Variants in CYB5R4 observed in about 807,000 individuals in gnomAD.
The protein encoded by CYB5R4 is cytochrome b5 reductase 4, also known as N-terminal cytochrome b5 and cytochrome b5 oxidoreductase domain-containing protein.
CYB5R4 carries 55 observed loss-of-function variants against 70.2 expected under a neutral mutation model. That is an observed-to-expected ratio of 0.78 (90% CI 0.63 to 0.98). The LOEUF (loss-of-function observed/expected upper bound fraction) is 0.98. Ranked by LOEUF, CYB5R4 falls within the 50% of genes least tolerant of loss-of-function variation. The probability of loss-of-function intolerance (pLI) is 0.00; values close to 1 mark genes in which losing one functional copy is unlikely to be tolerated. For synonymous variants in CYB5R4, 197 were observed against 199.5 expected (o/e 0.99, Z 0.11); for missense variants, 562 against 612.6 (o/e 0.92, Z 0.87).
chr6:83,933,558 G>C (rs938260109), intron 10 of CYB5R4, among the ~76,000 whole-genome samples: 2 of 151,904 alleles, frequency 1.3e-5, no homozygotes, highest in African/African-American at 4.8e-5. Context: ...ATATTATCAG[G>C]GTTTATTCAT....
At chr6:83,862,753 A>G (rs2099456165) in intron 1 of CYB5R4, among the ~76,000 whole-genome samples, 1 of 152,198 alleles carries the variant, frequency 6.6e-6, no homozygotes, top group Non-Finnish European at 1.5e-5. Flanking sequence ...AGATTGCTTT[A>G]ACTATCCTGT....
intron 14 of CYB5R4, among the ~76,000 whole-genome samples, chr6:83,948,754 GTTTT>G (rs890300023): frequency 6.6e-6 from 1 of 152,008 alleles, no homozygotes; most frequent in African/African-American, 2.4e-5. Context: ...AGTCAACTGT[GTTTT>G]TTCTTTCGTT....
At position 83,910,243 on chromosome 6, in the gene CYB5R4, G is replaced by A; in HGVS notation, c.412+1153G>A. 4 of 1,057,596 alleles carry A rather than the reference G, an allele frequency of 3.8e-6. No individual in the cohort carries two copies. In the South Asian group the frequency reaches 6.2e-5, roughly 16 times the overall value. The allele number at this position is 1,057,596 out of a possible 1,614,324, so 65.5% of individuals were successfully genotyped here. On this transcript the variant is annotated intron_variant, in intron 4 of 15. Transcript: ENST00000369681. Reference sequence around the variant, plus strand: ...TTCAACTTTTGTAAAGTCAGTCAAAGTTCTTTCTTCTAGAAGCCTCAGTTT... The same window carrying A: ...TTCAACTTTTGTAAAGTCAGTCAAAATTCTTTCTTCTAGAAGCCTCAGTTT...
In CYB5R4 at chr6:83,963,532, A is replaced by G. The variant is rs2129147353; in HGVS notation, c.*3654A>G. ...AGGAAAAATGGAATCTCAAGTAGTT[A>G]CAGTCTCTTGGTGTCTTTCAACATT... On this transcript the variant is annotated 3_prime_UTR_variant, in exon 16 of 16. Coordinates refer to ENST00000369681, the MANE Select transcript of CYB5R4 (RefSeq NM_016230.4). 1.3e-5 allele frequency: 2 copies of G among 152,338 alleles called. No individual in the cohort carries two copies. Among genetic ancestry groups the G allele is most frequent in the Middle Eastern group, 6.8e-3 (2 of 294 alleles). 9.4% of individuals were successfully genotyped at this position (152,338 alleles called of 1,614,324 possible). A position where few individuals can be genotyped will look rare whatever the true frequency, so the allele number is the denominator to read the frequency against.
At position 83,967,218 on chromosome 6, in the gene CYB5R4, C is replaced by T. The variant is rs1396987971; in HGVS notation, c.*7340C>T. On this transcript the variant is annotated 3_prime_UTR_variant, in exon 16 of 16. Transcript: ENST00000369681. Reference sequence around the variant, plus strand: ...CCTAAGTAATCTACAAAAGAACAAGCTTTAAACAACCAGAAAGACTAGAAA... The same window carrying T: ...CCTAAGTAATCTACAAAAGAACAAGTTTTAAACAACCAGAAAGACTAGAAA... The T allele has an allele frequency of 3.3e-5, 5 of 152,102 alleles. No individual in the cohort carries two copies. Among genetic ancestry groups the T allele is most frequent in the Non-Finnish European group, 5.9e-5 (4 of 68,024 alleles). 9.4% of individuals were successfully genotyped at this position (152,102 alleles called of 1,614,324 possible).
chr6:83,940,751 A>G (rs2099469626), intron 14 of CYB5R4, 150 bp downstream of exon 14: 1 of 1,013,944 alleles, frequency 9.9e-7, no homozygotes, highest in African/African-American at 1.7e-5. Flanking sequence ...AAATCATGTT[A>G]AATGTTCCCC....
chr6:83,956,230 G>T (rs1011585841), intron 15 of CYB5R4, among the ~76,000 whole-genome samples: 19 of 152,160 alleles, frequency 1.2e-4, no homozygotes, highest in African/African-American at 4.6e-4. Flanking sequence ...ACAGCCCTCA[G>T]GAGGTCCTGA....
chr6:83,904,670 T>C (rs954699720), intron 3 of CYB5R4, among the ~76,000 whole-genome samples: 1 of 152,240 alleles, frequency 6.6e-6, no homozygotes, highest in Non-Finnish European at 1.5e-5. Context: ...TCTCTCTCTT[T>C]AGATCAAATA....
intron 3 of CYB5R4, among the ~76,000 whole-genome samples, chr6:83,904,554 G>A (rs916244701): frequency 6.6e-6 from 1 of 152,202 alleles, no homozygotes; most frequent in African/African-American, 2.4e-5. Flanking sequence ...CCATTGGTCT[G>A]AAGTCCAGTT....
chr6:83,897,531 G>A (rs1020020837), intron 3 of CYB5R4, among the ~76,000 whole-genome samples: 3 of 152,094 alleles, frequency 2.0e-5, no homozygotes, highest in Non-Finnish European at 2.9e-5. Context: ...AAGTGTTCCT[G>A]TTTCTCCACA....
At position 83,959,993 on chromosome 6, in the gene CYB5R4, A is replaced by G. The variant is rs2099473068; in HGVS notation, c.*115A>G. 1.3e-6 allele frequency: 1 copy of G among 747,340 alleles called. No homozygotes were observed. The highest frequency in any genetic ancestry group is 3.2e-5 in the East Asian group (1 of 31,688). 46.3% of individuals were successfully genotyped at this position (747,340 alleles called of 1,614,324 possible). Reference sequence around the variant, plus strand: ...AAAGGTTAACTAGAATCCAGCCTTCAGTTTCTTAAATGAAATCAAATGTTC... The same window carrying G: ...AAAGGTTAACTAGAATCCAGCCTTCGGTTTCTTAAATGAAATCAAATGTTC... On this transcript the variant is annotated 3_prime_UTR_variant, in exon 16 of 16. Coordinates refer to ENST00000369681, the MANE Select transcript of CYB5R4 (RefSeq NM_016230.4).
At chr6:83,950,217 A>C (rs1174046463) in intron 14 of CYB5R4, among the ~76,000 whole-genome samples, 5 of 152,202 alleles carry the variant, frequency 3.3e-5, no homozygotes, top group Non-Finnish European at 7.4e-5. Flanking sequence ...CCCAAATTTT[A>C]TCCAAATGTG....
At chr6:83,912,339 T>G (rs943943399) in intron 4 of CYB5R4, among the ~76,000 whole-genome samples, 1 of 152,202 alleles carries the variant, frequency 6.6e-6, no homozygotes, top group Non-Finnish European at 1.5e-5. Flanking sequence ...AATGTCCGTA[T>G]TATGTCAATA....
chr6:83,892,123 C>A (rs189793051), intron 2 of CYB5R4, among the ~76,000 whole-genome samples: 319 of 152,136 alleles, frequency 2.1e-3, no homozygotes, highest in African/African-American at 7.1e-3. Context: ...GGACTCTAGG[C>A]ATATGGGGAA....
chr6:83,921,141 A>G lies in CYB5R4; in HGVS notation c.624A>G (p.Thr208=), dbSNP rs2099466312. The change falls in exon 8 of 16, where the codon ACA becomes ACG. Residue 208 remains threonine (T), a synonymous_variant. Coordinates refer to ENST00000369681, the MANE Select transcript of CYB5R4 (RefSeq NM_016230.4). ...DHQNDSFRAE[T]IIKDCLYLIH... Reference sequence around the variant, plus strand: ...AGAATGATTCCTTTAGAGCAGAAACAATTATTAAGGATTGTTTATATCTTA... The same window carrying G: ...AGAATGATTCCTTTAGAGCAGAAACGATTATTAAGGATTGTTTATATCTTA... The G allele has an allele frequency of 6.5e-7, 1 of 1,529,002 alleles. No individual in the cohort carries two copies. Among genetic ancestry groups the G allele is most frequent in the Admixed American group, 1.9e-5 (1 of 53,260 alleles). The allele number at this position is 1,529,002 out of a possible 1,614,324, so 94.7% of individuals were successfully genotyped here. A position where few individuals can be genotyped will look rare whatever the true frequency, so the allele number is the denominator to read the frequency against.
At chr6:83,907,450 A>G (rs2099463973) in intron 3 of CYB5R4, among the ~76,000 whole-genome samples, 1 of 151,410 alleles carries the variant, frequency 6.6e-6, no homozygotes, top group South Asian at 2.1e-4. Flanking sequence ...AGCAGTTCTT[A>G]TAAATGGCCC....
At chr6:83,935,753 A>T (rs376302538) in intron 11 of CYB5R4, among the ~76,000 whole-genome samples, 1 of 152,184 alleles carries the variant, frequency 6.6e-6, no homozygotes, top group East Asian at 1.9e-4. Context: ...AAGTACATAA[A>T]GTAAAAAGTG....
intron 14 of CYB5R4, among the ~76,000 whole-genome samples, chr6:83,942,420 T>G (rs2099469910): frequency 6.6e-6 from 1 of 152,224 alleles, no homozygotes. Flanking sequence ...TGAGTGACTG[T>G]GCTATCCAGC....
chr6:83,942,264 C>G (rs918918768), intron 14 of CYB5R4, among the ~76,000 whole-genome samples: 1 of 152,180 alleles, frequency 6.6e-6, no homozygotes, highest in Admixed American at 6.5e-5. Flanking sequence ...GCATTTCCAA[C>G]TGAGATACCT....
Sources: allele counts gnomAD v4.1 joint callset (sites outside exome capture counted in the v4.1 genomes callset), GRCh38; gene constraint gnomAD v4.1.1; transcripts MANE v1.5; gene names NCBI Gene and HGNC (gene_info 2026-07-23, HGNC 2026-07-21).